SYNE1: variants seen among roughly 807,000 people sequenced by gnomAD.
SYNE1 encodes the protein spectrin repeat containing nuclear envelope protein 1, also known as nesprin-1.
A neutral mutation model predicts 1,111.0 loss-of-function variants in SYNE1; 616 were observed. That is an observed-to-expected ratio of 0.55 (90% CI 0.52 to 0.59). SYNE1 has a LOEUF of 0.59. SYNE1 is among the 20% of genes least tolerant of loss of function. SYNE1 has a pLI of 0.00. For missense variants in SYNE1, 10,006 were observed against 10,417.0 expected, an observed-to-expected ratio of 0.96 and a Z score of 1.72; for synonymous variants, 3,855 against 3,825.8, an observed-to-expected ratio of 1.01 and a Z score of -0.28.
intron 3 of SYNE1, among the ~76,000 whole-genome samples, chr6:152,614,024 A>G (rs2099639231): frequency 6.6e-6 from 1 of 152,258 alleles, no homozygotes; most frequent in Admixed American, 6.5e-5. Context: ...ACTTAAAACC[A>G]CAGAAACCCT....
chr6:152,409,520 T>C (rs1255168109), intron 43 of SYNE1, 39 bp downstream of exon 43: 1 of 1,610,234 alleles, frequency 6.2e-7, no homozygotes, highest in East Asian at 2.2e-5. Flanking sequence ...CCAGATCTAC[T>C]AAAGCAGAAT....
chr6:152,409,194 T>G lies in SYNE1; in HGVS notation c.6414A>C (p.Lys2138Asn). The change falls in exon 44 of 146, where the codon AAA becomes AAC. Residue 2138 changes from lysine (K) to asparagine (N), a missense_variant. By Grantham distance (94) the Lys-to-Asn change is moderately conservative (BLOSUM62 0). Transcript: ENST00000367255. ...HETAKNKMNY[K>N]QKDLDNFTSK... is the part of the protein sequence containing the mutation. ...TGGTAAAGTTATCCAAGTCTTTCTG[T>G]TTGTAATTCATTTTGTTCTTGGCAG... 1 of 1,614,156 alleles carries G rather than the reference T, an allele frequency of 6.2e-7. No individual in the cohort carries two copies. The highest frequency in any genetic ancestry group is 8.5e-7 in the Non-Finnish European group (1 of 1,180,012).
At chr6:152,508,367 C>T (rs1455267185) in intron 8 of SYNE1, among the ~76,000 whole-genome samples, 2 of 152,166 alleles carry the variant, frequency 1.3e-5, no homozygotes, top group South Asian at 4.1e-4. Flanking sequence ...GAAAGTAAAA[C>T]TTCCACTGAT....
intron 46 of SYNE1, 52 bp downstream of exon 46, chr6:152,404,154 AGTATATG>A: frequency 9.0e-7 from 1 of 1,110,894 alleles, no homozygotes; most frequent in Non-Finnish European, 1.4e-6. Context: ...GAGAAAGTCT[AGTATATG>A]GTAGTAATTA....
At chr6:152,271,237 C>T (rs2093181001) in intron 98 of SYNE1, among the ~76,000 whole-genome samples, 1 of 152,082 alleles carries the variant, frequency 6.6e-6, no homozygotes, top group South Asian at 2.1e-4. Context: ...TCTGTTTCTT[C>T]TTTTTTTCAT....
At position 152,176,525 on chromosome 6, in the gene SYNE1, G is replaced by T; in HGVS notation, c.23496C>A (p.Asn7832Lys). 1 of 1,612,386 alleles carries T rather than the reference G, an allele frequency of 6.2e-7. No homozygotes were observed. ...CTCCCATTTGTTGGAGCTGTATTTT[G>T]TTCTCTTGAGCAATAGCAATTTCCT... ...YQEEIAIAQE[N>K]KIQLQQMGER... The change falls in exon 130 of 146, where the codon AAC becomes AAA. Residue 7832 changes from asparagine to lysine, a missense_variant. Transcript: ENST00000367255.
chr6:152,434,585 C>T (rs1213634394), intron 33 of SYNE1: 1 of 152,104 alleles, frequency 6.6e-6, no homozygotes, highest in Non-Finnish European at 1.5e-5. Flanking sequence ...CATGAGCACC[C>T]TAACTACTTT....
At chr6:152,351,241 G>T (rs1322655037) in intron 70 of SYNE1, among the ~76,000 whole-genome samples, 1 of 152,322 alleles carries the variant, frequency 6.6e-6, no homozygotes, top group East Asian at 1.9e-4. Flanking sequence ...CAGTGGCCAG[G>T]AGGAAGAGGT....
At chr6:152,342,202 A>G (rs911286963) in intron 74 of SYNE1, among the ~76,000 whole-genome samples, 1 of 152,182 alleles carries the variant, frequency 6.6e-6, no homozygotes, top group Non-Finnish European at 1.5e-5. Flanking sequence ...ATGTGTAGGA[A>G]ATCTCTTCCT....
In SYNE1 at chr6:152,244,319, T is replaced by C. The variant is rs1340509371; in HGVS notation, c.19692+218A>G. On this transcript the variant is annotated intron_variant, in intron 106 of 145. Transcript: ENST00000367255. ...CATGAGAATAATAATAAAGTAACTG[T>C]CAGAAAAACATATGAATCTTAGCAG... 6.6e-5 allele frequency among the ~76,000 whole-genome samples: 10 copies of C among 152,148 alleles called. No individual in the cohort carries two copies. In the East Asian group the frequency reaches 1.9e-3, roughly 29 times the overall value.
intron 76 of SYNE1, 193 bp downstream of exon 76, chr6:152,336,648 C>T: frequency 1.4e-6 from 1 of 716,530 alleles, no homozygotes; most frequent in Non-Finnish European, 2.4e-6. Flanking sequence ...CACTGTGCGG[C>T]CAGGTTCCTA....
intron 137 of SYNE1, chr6:152,145,447 A>C (rs2813487): frequency 2.5e-6 from 4 of 1,583,556 alleles, no homozygotes; most frequent in Admixed American, 1.7e-5. Context: ...ATTGCTATAC[A>C]GGGGAGGGAG....
chr6:152,331,549 A>G lies in SYNE1; in HGVS notation c.13136T>C (p.Met4379Thr), dbSNP rs1563132869. The G allele has an allele frequency of 3.1e-6, 5 of 1,614,026 alleles. No homozygotes were observed. The African/African-American group carries it at 4.0e-5, about 13-fold the overall frequency. Residue 4379 changes from methionine to threonine, a missense_variant, in exon 78 of 146, where the codon ATG becomes ACG. Coordinates refer to ENST00000367255, the MANE Select transcript of SYNE1 (RefSeq NM_182961.4). ...GTGATCCATGAGAAGGTTCTGAGCC[A>G]TATCTGGAGGAGGGCTCTGCTTAAG... ...EALKQSPPPD[M>T]AQNLLMDHLA... is the part of the protein sequence containing the mutation.
chr6:152,636,897 TC>T, intron 1 of SYNE1, 92 bp from the exon 2 acceptor site: 1 of 152,164 alleles, frequency 6.6e-6, no homozygotes, highest in Non-Finnish European at 1.5e-5. Context: ...CCACACTCAC[TC>T]CCGCGCCGGG....
At position 152,353,349 on chromosome 6, in the gene SYNE1, A is replaced by G. The variant is rs1311152798; in HGVS notation, c.11167T>C (p.Ser3723Pro). 1 of 1,614,144 alleles carries G rather than the reference A, an allele frequency of 6.2e-7. No homozygotes were observed. Among genetic ancestry groups the G allele is most frequent in the African/African-American group, 1.3e-5 (1 of 75,006 alleles). ...ACATTCTTGAAGTTTTTATGAGTAG[A>G]GCCATACCAATCAGAATAGGAACTG... ...SLSSYSDWYGSTHKNFKNVAT... is the reference protein window; with the variant it reads ...SLSSYSDWYGPTHKNFKNVAT... Residue 3723 changes from serine (S) to proline (P), a missense_variant, in exon 69 of 146, where the codon TCT becomes CCT. Around this residue, in one of 7 missense-constraint regions of SYNE1, gnomAD observed 4,955 missense variants for 5,017.2 expected, o/e 0.99. Coordinates refer to ENST00000367255, the MANE Select transcript of SYNE1 (RefSeq NM_182961.4).
intron 4 of SYNE1, among the ~76,000 whole-genome samples, chr6:152,536,401 C>A (rs1465239732): frequency 8.1e-6 from 1 of 123,166 alleles, no homozygotes; most frequent in African/African-American, 3.0e-5. Flanking sequence ...TATATATATA[C>A]TATATATAGT....
At chr6:152,429,714 G>A (rs1240244319) in intron 36 of SYNE1, among the ~76,000 whole-genome samples, 2 of 152,154 alleles carry the variant, frequency 1.3e-5, no homozygotes, top group African/African-American at 2.4e-5. Flanking sequence ...ACAGATCAGT[G>A]AGGATATATT....
intron 87 of SYNE1, among the ~76,000 whole-genome samples, chr6:152,313,321 T>C (rs2095608077): frequency 6.6e-6 from 1 of 152,148 alleles, no homozygotes; most frequent in African/African-American, 2.4e-5. Flanking sequence ...TAACCATAAT[T>C]ATTCTGTGAC....
chr6:152,479,226 T>C (rs2098862066), intron 14 of SYNE1, among the ~76,000 whole-genome samples: 1 of 152,072 alleles, frequency 6.6e-6, no homozygotes, highest in Non-Finnish European at 1.5e-5. Context: ...GTCATGATAT[T>C]GGGAGGATCA....
Sources: gnomAD v4.1 joint callset for allele counts (sites outside exome capture counted in the v4.1 genomes callset) on GRCh38, gnomAD v4.1.1 for gene constraint, gnomAD v4.1.1 regional missense constraint, MANE v1.5 for transcripts, NCBI Gene and HGNC (gene_info 2026-07-23, HGNC 2026-07-21) for gene names.